The following CRTAC1 variants were observed in gnomAD, a reference collection of about 807,000 sequenced individuals.
CRTAC1 encodes the protein cartilage acidic protein 1, also known as acidic secreted protein in cartilage.
In CRTAC1, 37 loss-of-function variants were observed where a neutral mutation model predicts 67.8. The observed-to-expected ratio is 0.55, with a 90% CI of 0.42 to 0.72. The LOEUF is 0.72. Ranked by LOEUF, CRTAC1 falls within the 30% of genes least tolerant of loss-of-function variation. CRTAC1 has a pLI of 0.00. For synonymous variants in CRTAC1, 348 were observed against 371.0 expected (o/e 0.94, Z 0.71); for missense variants, 780 against 931.6 (o/e 0.84, Z 2.12).
chr10:97,937,042 A>G (rs1386903996), intron 2 of CRTAC1, among the ~76,000 whole-genome samples: 3 of 152,240 alleles, frequency 2.0e-5, no homozygotes, highest in African/African-American at 7.2e-5. Flanking sequence ...TGAAGTTTGC[A>G]TCTCAGATGG....
chr10:97,918,410 T>C lies in CRTAC1; in HGVS notation c.559-754A>G, dbSNP rs543130598. Among the ~76,000 whole-genome samples, 6 of 152,316 alleles carry C rather than the reference T, an allele frequency of 3.9e-5. No individual in the cohort carries two copies. In the South Asian group the frequency reaches 1.0e-3, roughly 26 times the overall value. ...TCTTCTCTTCTGCCTGTTATTATAA[T>C]GGTGCTATTTCTTCAATGGATGACT... On this transcript the variant is annotated intron_variant, in intron 4 of 14. Transcript: ENST00000370597.
chr10:97,873,956 A>G (rs1239892671), intron 14 of CRTAC1, among the ~76,000 whole-genome samples: 1 of 152,176 alleles, frequency 6.6e-6, no homozygotes, highest in Non-Finnish European at 1.5e-5. Flanking sequence ...CTGTTACTTG[A>G]TGGGCACGTA....
intron 1 of CRTAC1, among the ~76,000 whole-genome samples, chr10:98,011,585 G>A (rs942643734): frequency 6.6e-6 from 1 of 151,688 alleles, no homozygotes; most frequent in Admixed American, 6.6e-5. Context: ...TTTTTCTACA[G>A]CATCTATCAT....
chr10:97,920,203 A>G (rs2050817308), intron 4 of CRTAC1, among the ~76,000 whole-genome samples: 1 of 152,224 alleles, frequency 6.6e-6, no homozygotes, highest in Non-Finnish European at 1.5e-5. Context: ...CAATCTCATC[A>G]ACAAATGAGC....
intron 1 of CRTAC1, among the ~76,000 whole-genome samples, chr10:98,011,741 C>T (rs1028704285): frequency 1.3e-5 from 2 of 152,088 alleles, no homozygotes; most frequent in African/African-American, 2.4e-5. Context: ...ACATAATAGG[C>T]ACTTCTTTCC....
intron 14 of CRTAC1, among the ~76,000 whole-genome samples, chr10:97,874,357 C>T (rs969323790): frequency 2.0e-5 from 3 of 152,218 alleles, no homozygotes; most frequent in Admixed American, 6.5e-5. Context: ...ATGCCATGCC[C>T]GCCTAGCTCA....
chr10:97,897,374 T>G (rs917086505), intron 8 of CRTAC1, among the ~76,000 whole-genome samples: 3 of 152,160 alleles, frequency 2.0e-5, no homozygotes, highest in Non-Finnish European at 4.4e-5. Context: ...CAATGCTACC[T>G]CCTCCATGCC....
At chr10:97,950,098 A>G (rs995872763) in intron 2 of CRTAC1, among the ~76,000 whole-genome samples, 1 of 152,174 alleles carries the variant, frequency 6.6e-6, no homozygotes, top group Non-Finnish European at 1.5e-5. Context: ...AGTGTTTGAT[A>G]AAGGAACCTG....
chr10:97,918,238 C>T (rs900213910), intron 4 of CRTAC1, among the ~76,000 whole-genome samples: 1 of 152,136 alleles, frequency 6.6e-6, no homozygotes, highest in Non-Finnish European at 1.5e-5. Context: ...CCTGTATTAC[C>T]AGGAAGAAAG....
chr10:97,994,400 C>G (rs1015121629), intron 2 of CRTAC1, among the ~76,000 whole-genome samples: 3 of 152,118 alleles, frequency 2.0e-5, no homozygotes, highest in Non-Finnish European at 4.4e-5. Flanking sequence ...TACAAATGGG[C>G]TTCTCTTGTC....
chr10:97,953,695 C>G (rs745722696), intron 2 of CRTAC1, among the ~76,000 whole-genome samples: 14 of 152,202 alleles, frequency 9.2e-5, no homozygotes, highest in Non-Finnish European at 1.8e-4. Context: ...GAAACTAAAG[C>G]CCGAGGTCAG....
chr10:97,868,211 A>G (rs367937797), intron 14 of CRTAC1: 2 of 152,246 alleles, frequency 1.3e-5, no homozygotes, highest in African/African-American at 4.8e-5. Context: ...AGCACCTACT[A>G]TGTGCCAGAT....
chr10:97,920,285 CCTTA>C (rs1261581514), intron 4 of CRTAC1, among the ~76,000 whole-genome samples: 2 of 152,138 alleles, frequency 1.3e-5, no homozygotes, highest in Admixed American at 1.3e-4. Flanking sequence ...ATACCTAGTT[CCTTA>C]CTTTGATTTT....
chr10:97,974,913 G>T (rs368250115), intron 2 of CRTAC1, among the ~76,000 whole-genome samples: 5 of 152,214 alleles, frequency 3.3e-5, no homozygotes, highest in African/African-American at 1.2e-4. Flanking sequence ...GGCGCAGACA[G>T]GAGGAGGGAG....
Position 97,865,033 on chromosome 10 carries a change from G to T in CRTAC1, c.*515C>A, listed in dbSNP as rs905899121. ...TGACAAAGCCCAGTGAGAGGCACTT[G>T]TTTTTATTGAGCCTTTACTATGTGC... is the stretch of plus-strand genomic sequence containing the variant. On this transcript the variant is annotated 3_prime_UTR_variant, in exon 15 of 15. Transcript: ENST00000370597. 1.3e-5 allele frequency: 2 copies of T among 152,744 alleles called. No homozygotes were observed. The highest frequency in any genetic ancestry group is 4.8e-5 in the African/African-American group (2 of 41,480). 9.5% of individuals were successfully genotyped at this position (152,744 alleles called of 1,614,324 possible). A position where few individuals can be genotyped will look rare whatever the true frequency, so the allele number is the denominator to read the frequency against.
chr10:97,909,342 C>T (rs2050657591), intron 5 of CRTAC1, among the ~76,000 whole-genome samples: 1 of 152,114 alleles, frequency 6.6e-6, no homozygotes, highest in African/African-American at 2.4e-5. Flanking sequence ...AGAAAATGGC[C>T]CGACCAGGAT....
At chr10:97,958,095 C>G (rs562590502) in intron 2 of CRTAC1, among the ~76,000 whole-genome samples, 43 of 152,250 alleles carry the variant, frequency 2.8e-4, no homozygotes, top group African/African-American at 8.7e-4. Context: ...AAACCTGATG[C>G]CTTCTCTACT....
At chr10:97,982,519 A>G (rs1331046391) in intron 2 of CRTAC1, among the ~76,000 whole-genome samples, 1 of 152,194 alleles carries the variant, frequency 6.6e-6, no homozygotes, top group Admixed American at 6.5e-5. Context: ...TAATTTCAGT[A>G]ACAGATCTTC....
intron 2 of CRTAC1, among the ~76,000 whole-genome samples, chr10:98,004,618 G>A (rs1233431991): frequency 6.6e-6 from 1 of 152,068 alleles, no homozygotes; most frequent in East Asian, 1.9e-4. Context: ...TACATGCAGT[G>A]TGGTGGAGTT....
Sources: gnomAD v4.1 joint callset for allele counts (sites outside exome capture counted in the v4.1 genomes callset) on GRCh38, gnomAD v4.1.1 for gene constraint, MANE v1.5 for transcripts, NCBI Gene and HGNC (gene_info 2026-07-23, HGNC 2026-07-21) for gene names.